Variants in SYNE2 observed in about 807,000 individuals in gnomAD.
SYNE2 encodes the protein nesprin-2.
Under a neutral mutation model 856.3 loss-of-function variants are expected in SYNE2, and 431 were observed. That is an observed-to-expected ratio of 0.50 (90% CI 0.47 to 0.55). The LOEUF is 0.55. SYNE2 is among the 20% of genes least tolerant of loss of function. The pLI is 0.00. For synonymous variants in SYNE2, 2,923 were observed against 2,872.3 expected, an observed-to-expected ratio of 1.02 and a Z score of -0.56; for missense variants, 8,129 against 8,023.2, an observed-to-expected ratio of 1.01 and a Z score of -0.50.
intron 96 of SYNE2, among the ~76,000 whole-genome samples, chr14:64,183,627 T>G (rs1339400500): frequency 2.6e-5 from 4 of 152,064 alleles, no homozygotes; most frequent in African/African-American, 9.7e-5. Context: ...CTGGGCAACA[T>G]TGAGCACTGA....
At chr14:64,128,836 A>G (rs2097978491) in intron 74 of SYNE2, among the ~76,000 whole-genome samples, 1 of 152,224 alleles carries the variant, frequency 6.6e-6, no homozygotes. Context: ...TCCTCTTGCC[A>G]GGGGAGCCCT....
In SYNE2 at chr14:64,049,642, C is replaced by G. The variant is rs1396468884; in HGVS notation, c.7409C>G (p.Ala2470Gly). 6.2e-7 allele frequency: 1 copy of G among 1,613,918 alleles called. No individual in the cohort carries two copies. Among genetic ancestry groups the G allele is most frequent in the African/African-American group, 1.3e-5 (1 of 74,904 alleles). Residue 2470 changes from alanine (A) to glycine (G), a missense_variant, in exon 47 of 116, where the codon GCA becomes GGA. Transcript: ENST00000555002. The part of the protein sequence containing the change: ...KLYTQLEAKK[A>G]AIKPLEQTEC... The stretch of plus-strand genomic sequence containing the variant: ...TATACCCAGTTGGAAGCAAAGAAAG[C>G]AGCCATTAAGCCACTGGAACAAACA...
At chr14:63,943,327 A>G (rs1195842273) in intron 6 of SYNE2, among the ~76,000 whole-genome samples, 2 of 152,214 alleles carry the variant, frequency 1.3e-5, no homozygotes, top group African/African-American at 2.4e-5. Flanking sequence ...ATGTTTTTTC[A>G]GGCCTGGAAT....
intron 47 of SYNE2, among the ~76,000 whole-genome samples, chr14:64,050,373 C>T (rs2097216677): frequency 6.6e-6 from 1 of 152,030 alleles, no homozygotes; most frequent in East Asian, 1.9e-4. Flanking sequence ...CACATTCAGA[C>T]CATAGCATTT....
chr14:64,188,948 C>G, intron 98 of SYNE2: 1 of 703,600 alleles, frequency 1.4e-6, no homozygotes, highest in Non-Finnish European at 2.6e-6. Flanking sequence ...TGCTTTCTCT[C>G]CATTAGAAAG....
chr14:64,029,750 A>G (rs2097016471), intron 43 of SYNE2, 145 bp from the exon 44 acceptor site: 3 of 1,023,458 alleles, frequency 2.9e-6, no homozygotes, highest in African/African-American at 3.2e-5. Flanking sequence ...CTCCAACTCT[A>G]AAATCTTTAG....
At chr14:64,131,222 T>A (rs1359819114) in intron 76 of SYNE2, among the ~76,000 whole-genome samples, 1 of 151,996 alleles carries the variant, frequency 6.6e-6, no homozygotes, top group Non-Finnish European at 1.5e-5. Context: ...CCTTGCTAGA[T>A]GCTTTTATAA....
intron 29 of SYNE2, 51 bp downstream of exon 29, chr14:64,002,132 A>G: frequency 2.2e-6 from 3 of 1,394,952 alleles, no homozygotes; most frequent in Non-Finnish European, 3.1e-6. Flanking sequence ...GAGTCTTTTG[A>G]GATTTATAAA....
At position 64,225,747 on chromosome 14, in the gene SYNE2, T is replaced by C. The variant is rs1048315; in HGVS notation, c.*221T>C. ...ACCTGTGTGGCAGGTGCCCCGGGTA[T>C]TTTGGCAGAACTAGTTGATTAGTTT... On this transcript the variant is annotated 3_prime_UTR_variant, in exon 116 of 116. Coordinates refer to ENST00000555002, the MANE Select transcript of SYNE2 (RefSeq NM_182914.3). 102,241 of 610,564 alleles carry C rather than the reference T, an allele frequency of 0.17. 14,199 individuals are homozygous for C. Among genetic ancestry groups the C allele is most frequent in the African/African-American group, 0.52 (28,088 of 54,256 alleles). 37.8% of individuals were successfully genotyped at this position (610,564 alleles called of 1,614,324 possible).
rs1014367825 is a variant in SYNE2, at chr14:63,936,081, G to A, written c.80-4533G>A. Reference sequence around the variant, plus strand: ...ATAGAGATGGGGTTTCACCATGTTGGCCACGCTGGTCTCGAACTTCTGACC... The same window carrying A: ...ATAGAGATGGGGTTTCACCATGTTGACCACGCTGGTCTCGAACTTCTGACC... On this transcript the variant is annotated intron_variant, in intron 2 of 115. Coordinates refer to ENST00000555002, the MANE Select transcript of SYNE2 (RefSeq NM_182914.3). Among the ~76,000 whole-genome samples, 10 of 152,224 alleles carry A rather than the reference G, an allele frequency of 6.6e-5. No homozygotes were observed. In the South Asian group the frequency reaches 1.5e-3, roughly 22 times the overall value.
intron 8 of SYNE2, among the ~76,000 whole-genome samples, chr14:63,959,677 C>T (rs2096285389): frequency 6.6e-6 from 1 of 152,154 alleles, no homozygotes. Context: ...ACTTTTTACC[C>T]CTATCTTTTT....
chr14:64,061,296 G>C (rs1294236173), intron 49 of SYNE2, among the ~76,000 whole-genome samples: 1 of 152,062 alleles, frequency 6.6e-6, no homozygotes, highest in African/African-American at 2.4e-5. Context: ...TATTTACTTA[G>C]CTATTGATGG....
chr14:63,918,751 G>T (rs2095561684), intron 2 of SYNE2, among the ~76,000 whole-genome samples: 1 of 152,182 alleles, frequency 6.6e-6, no homozygotes, highest in Non-Finnish European at 1.5e-5. Context: ...CAGTGGTGTT[G>T]TGTTTTCCAT....
chr14:64,012,404 GA>G (rs1457752654), intron 32 of SYNE2, among the ~76,000 whole-genome samples: 4 of 152,126 alleles, frequency 2.6e-5, no homozygotes, highest in African/African-American at 9.7e-5. Flanking sequence ...CATGTGGGGA[GA>G]AAACAGAGAC....
chr14:64,181,322 A>G (rs942924371), intron 96 of SYNE2, among the ~76,000 whole-genome samples: 4 of 152,224 alleles, frequency 2.6e-5, no homozygotes, highest in South Asian at 4.1e-4. Context: ...CTACCTCATT[A>G]GGCTTAGAGC....
At chr14:64,109,293 G>T (rs2097790420) in intron 65 of SYNE2, among the ~76,000 whole-genome samples, 1 of 151,160 alleles carries the variant, frequency 6.6e-6, no homozygotes, top group African/African-American at 2.4e-5. Context: ...GAAGGAGGAA[G>T]AAAAAGGAGG....
intron 86 of SYNE2, 94 bp from the exon 87 acceptor site, chr14:64,159,218 A>T: frequency 1.4e-6 from 2 of 1,455,522 alleles, no homozygotes; most frequent in Non-Finnish European, 1.9e-6. Flanking sequence ...TTTGAGTGTT[A>T]TTGCTACATA....
intron 1 of SYNE2, among the ~76,000 whole-genome samples, chr14:63,825,364 CA>C (rs1004801203): frequency 6.6e-6 from 1 of 151,134 alleles, no homozygotes; most frequent in African/African-American, 2.4e-5. Flanking sequence ...ATTGTATCTA[CA>C]AAAAAACACC....
chr14:64,139,006 C>G lies in SYNE2; in HGVS notation c.14844-935C>G, dbSNP rs570337873. Among the ~76,000 whole-genome samples, 142 of 146,916 alleles carry G rather than the reference C, an allele frequency of 9.7e-4. No homozygotes were observed. In the Middle Eastern group the frequency reaches 0.021, roughly 22 times the overall value. ...ATGTAATTTTATTTATTTTTTGAGACAGGGTCTCACTGTGTCACCCAGGCT... is the reference window on the plus strand; with the variant it reads ...ATGTAATTTTATTTATTTTTTGAGAGAGGGTCTCACTGTGTCACCCAGGCT... On this transcript the variant is annotated intron_variant, in intron 79 of 115. Coordinates refer to ENST00000555002, the MANE Select transcript of SYNE2 (RefSeq NM_182914.3).
Sources: gnomAD v4.1 joint callset for allele counts (sites outside exome capture counted in the v4.1 genomes callset) on GRCh38, gnomAD v4.1.1 for gene constraint, MANE v1.5 for transcripts, NCBI Gene and HGNC (gene_info 2026-07-23, HGNC 2026-07-21) for gene names.